The following CDC42BPB variants were observed in gnomAD, a reference collection of about 807,000 sequenced individuals.
CDC42BPB encodes the protein serine/threonine-protein kinase MRCK beta.
In CDC42BPB, 37 loss-of-function variants were observed where a neutral mutation model predicts 214.9. The ratio of observed to expected loss-of-function variants is 0.17; its 90% CI spans 0.13 to 0.23. CDC42BPB has a LOEUF of 0.23. CDC42BPB is among the 10% of genes least tolerant of loss of function. CDC42BPB has a pLI of 1.00. For synonymous variants in CDC42BPB, 931 were observed against 884.0 expected, an observed-to-expected ratio of 1.05 and a Z score of -0.94; for missense variants, 1,694 against 2,227.0, an observed-to-expected ratio of 0.76 and a Z score of 4.82.
At chr14:103,034,034 A>G (rs925142925) in intron 1 of CDC42BPB, among the ~76,000 whole-genome samples, 1 of 152,202 alleles carries the variant, frequency 6.6e-6, no homozygotes, top group Non-Finnish European at 1.5e-5. Flanking sequence ...TCAGCGTAAC[A>G]TATCTGTCTC....
intron 18 of CDC42BPB, among the ~76,000 whole-genome samples, chr14:102,965,436 CAG>C (rs1566863710): frequency 1.4e-5 from 2 of 140,488 alleles, no homozygotes; most frequent in Non-Finnish European, 3.1e-5. Context: ...GGAAGAATGA[CAG>C]AGTGACCTAG....
rs2139426157 is a variant in CDC42BPB at position 102,959,715 on chromosome 14, A to G, written c.2822-5T>C. 2 of 1,609,476 alleles carry G rather than the reference A, an allele frequency of 1.2e-6. No homozygotes were observed. The highest frequency in any genetic ancestry group is 4.5e-5 in the East Asian group (2 of 44,860). ...GAAAATCTGGAAGTTTGAGCCCTGCAAAAAGAAACAAAGAATAGTCAAGGC... is the reference window on the plus strand; with the variant it reads ...GAAAATCTGGAAGTTTGAGCCCTGCGAAAAGAAACAAAGAATAGTCAAGGC... On this transcript the variant is annotated splice_polypyrimidine_tract_variant and splice_region_variant and intron_variant, in intron 20 of 36. Coordinates refer to ENST00000361246, the MANE Select transcript of CDC42BPB (RefSeq NM_006035.4).
Position 102,971,957 on chromosome 14 carries a change from G to T in CDC42BPB, c.1846C>A (p.Arg616=). The change falls in exon 13 of 37, where the codon CGG becomes AGG. Residue 616 remains arginine, a synonymous_variant. Coordinates refer to ENST00000361246, the MANE Select transcript of CDC42BPB (RefSeq NM_006035.4). ...TTCTCAGCTCTCCGCATTTCCTGCC[G>T]CATGGCGTCCACCTTCTGCGTGGCC... ...EVATQKVDAM[R]QEMRRAEKLR... is the part of the protein sequence containing the mutation. 2 of 1,614,178 alleles carry T rather than the reference G, an allele frequency of 1.2e-6. No homozygotes were observed. The highest frequency in any genetic ancestry group is 8.5e-7 in the Non-Finnish European group (1 of 1,180,034).
In CDC42BPB at chr14:102,935,333, G is replaced by GA. The variant is rs200185125; in HGVS notation, c.5005-1491dup. ...AAATGAACACACTGAAAAGGAAACT[G>GA]AAAAAAAAAATTCAATTTACAACAG... On this transcript the variant is annotated intron_variant, in intron 36 of 36. Transcript: ENST00000361246. Among the ~76,000 whole-genome samples the GA allele has an allele frequency of 1.8e-3, 263 of 147,688 alleles. 1 individual carries two copies. Among genetic ancestry groups the GA allele is most frequent in the Non-Finnish European group, 3.0e-3 (199 of 66,784 alleles).
At chr14:103,044,591 G>A (rs550475636) in intron 1 of CDC42BPB, among the ~76,000 whole-genome samples, 49 of 151,886 alleles carry the variant, frequency 3.2e-4, no homozygotes, top group Admixed American at 8.5e-4. Flanking sequence ...GGATGGTCTC[G>A]ATCTCCTGAC....
Position 102,967,063 on chromosome 14 carries a change from A to C in CDC42BPB, c.2454T>G (p.Ile818Met), listed in dbSNP as rs1328868864. 1.2e-6 allele frequency: 2 copies of C among 1,613,994 alleles called. No individual in the cohort carries two copies. Among genetic ancestry groups the C allele is most frequent in the African/African-American group, 1.3e-5 (1 of 74,938 alleles). ...GCACGTACCACTGAATGATTTCCGC[A>C]ATCTGAGCTTCCCAGTGGGCCACTG... Reference protein sequence around the residue: ...KESVAHWEAQIAEIIQWVSDE... With the variant: ...KESVAHWEAQMAEIIQWVSDE... The change falls in exon 17 of 37, where the codon ATT becomes ATG. Residue 818 changes from isoleucine (I) to methionine (M), a missense_variant. Physicochemically the swap from Ile to Met is conservative, Grantham distance 10. Around this residue, in one of 7 missense-constraint regions of CDC42BPB, gnomAD observed 462 missense variants for 513.5 expected, o/e 0.90. Transcript: ENST00000361246.
chr14:103,054,920 G>C (rs1888859932), intron 1 of CDC42BPB, among the ~76,000 whole-genome samples: 1 of 152,272 alleles, frequency 6.6e-6, no homozygotes, highest in Non-Finnish European at 1.5e-5. Flanking sequence ...AGTAATGCCT[G>C]GTGGAGAGAG....
At position 103,038,721 on chromosome 14, in the gene CDC42BPB, G is replaced by C. The variant is rs111303713; in HGVS notation, c.175+18278C>G. ...TTTCTATTTTTTGTAGAGACGGGGG[G>C]GGGGGGCGGGTCTCATTATGTTGCC... On this transcript the variant is annotated intron_variant, in intron 1 of 36. Coordinates refer to ENST00000361246, the MANE Select transcript of CDC42BPB (RefSeq NM_006035.4). Among the ~76,000 whole-genome samples, 822 of 109,834 alleles carry C rather than the reference G, an allele frequency of 7.5e-3. 28 individuals carry two copies. The highest frequency in any genetic ancestry group is 0.028 in the African/African-American group (762 of 27,184). The allele number at this position is 109,834 out of a possible 152,430, so 72.1% of individuals were successfully genotyped here. A position where few individuals can be genotyped will look rare whatever the true frequency, so the allele number is the denominator to read the frequency against.
intron 1 of CDC42BPB, among the ~76,000 whole-genome samples, chr14:103,034,996 T>G (rs1595174144): frequency 6.6e-6 from 1 of 152,162 alleles, no homozygotes; most frequent in Middle Eastern, 3.4e-3. Flanking sequence ...TCTGATCAAC[T>G]GAGGATCTAG....
intron 1 of CDC42BPB, among the ~76,000 whole-genome samples, chr14:103,043,094 T>C (rs998687076): frequency 6.6e-5 from 10 of 152,174 alleles, no homozygotes; most frequent in African/African-American, 2.2e-4. Context: ...AAGCCACCTC[T>C]ACTAAAAATA....
At chr14:102,933,968 T>C (rs1180861520) in intron 36 of CDC42BPB, 125 bp from the exon 37 acceptor site, 3 of 1,411,164 alleles carry the variant, frequency 2.1e-6, no homozygotes, top group Non-Finnish European at 2.7e-6. Flanking sequence ...CTTCATGTTA[T>C]GAAAACACAC....
At position 102,966,390 on chromosome 14, in the gene CDC42BPB, GGA is replaced by G. The variant is rs1893202197; in HGVS notation, c.2472-5_2472-4del. On this transcript the variant is annotated splice_region_variant and splice_polypyrimidine_tract_variant and intron_variant, in intron 17 of 36. Coordinates refer to ENST00000361246, the MANE Select transcript of CDC42BPB (RefSeq NM_006035.4). ...GGGCATCTTTCTCGTCACTGACCCT[GGA>G]GGAGGGAACAGATGTTCTATCTCAC... 1 of 1,613,118 alleles carries G rather than the reference GGA, an allele frequency of 6.2e-7. No individual in the cohort carries two copies. The highest frequency in any genetic ancestry group is 8.5e-7 in the Non-Finnish European group (1 of 1,179,388).
rs751650285 is a variant in CDC42BPB at position 102,968,671 on chromosome 14, G to C, written c.2041C>G (p.Gln681Glu). Residue 681 changes from glutamine to glutamate, a missense_variant, in exon 15 of 37, where the codon CAA becomes GAA. Physicochemically the swap from Gln to Glu is conservative, Grantham distance 29. Transcript: ENST00000361246. ...RGAGATLEHQ[Q>E]EISKIKSELE... Reference sequence around the variant, plus strand: ...TCGGATTTGATTTTGGAAATCTCTTGCTGGTGCTCTAAGGTGGCACCCGCT... The same window carrying C: ...TCGGATTTGATTTTGGAAATCTCTTCCTGGTGCTCTAAGGTGGCACCCGCT... 6.2e-7 allele frequency: 1 copy of C among 1,614,108 alleles called. No individual in the cohort carries two copies. Among genetic ancestry groups the C allele is most frequent in the Non-Finnish European group, 8.5e-7 (1 of 1,180,028 alleles).
chr14:103,036,632 G>C (rs1392051546), intron 1 of CDC42BPB, among the ~76,000 whole-genome samples: 1 of 151,982 alleles, frequency 6.6e-6, no homozygotes, highest in African/African-American at 2.4e-5. Context: ...GAATACGATA[G>C]GCTCAACTGT....
Position 102,964,486 on chromosome 14 carries a change from C to T in CDC42BPB, c.2726+16G>A. The stretch of plus-strand genomic sequence containing the variant: ...GCCACTGCTCCTACCTGGAGTCAGA[C>T]CCTGGCACCAAGTACCTTTCCAAGG... On this transcript the variant is annotated intron_variant, in intron 19 of 36. Transcript: ENST00000361246. The T allele has an allele frequency of 6.2e-7, 1 of 1,612,610 alleles. No homozygotes were observed. Among genetic ancestry groups the T allele is most frequent in the Non-Finnish European group, 8.5e-7 (1 of 1,179,684 alleles).
At chr14:103,030,769 C>T (rs1321486095) in intron 1 of CDC42BPB, among the ~76,000 whole-genome samples, 1 of 152,072 alleles carries the variant, frequency 6.6e-6, no homozygotes, top group Non-Finnish European at 1.5e-5. Flanking sequence ...AGATCACTTA[C>T]GCCTAGATGT....
At chr14:102,993,354 G>A (rs1183149754) in intron 5 of CDC42BPB, among the ~76,000 whole-genome samples, 1 of 152,166 alleles carries the variant, frequency 6.6e-6, no homozygotes, top group Non-Finnish European at 1.5e-5. Context: ...CCGCAGGTGG[G>A]TTCTCAATGA....
chr14:103,048,064 A>T (rs1329299593), intron 1 of CDC42BPB, among the ~76,000 whole-genome samples: 1 of 152,184 alleles, frequency 6.6e-6, no homozygotes, highest in East Asian at 1.9e-4. Flanking sequence ...AATCCCTGCA[A>T]GGAATGAAAA....
At chr14:102,935,013 CAAAA>C (rs35596449) in intron 36 of CDC42BPB, among the ~76,000 whole-genome samples, 3 of 71,376 alleles carry the variant, frequency 4.2e-5, no homozygotes, top group African/African-American at 5.1e-5. Context: ...GACTCTGTCT[CAAAA>C]AAAAAAAAAA....
Sources: gnomAD v4.1 joint callset for allele counts (sites outside exome capture counted in the v4.1 genomes callset) on GRCh38, gnomAD v4.1.1 for gene constraint, gnomAD v4.1.1 regional missense constraint, MANE v1.5 for transcripts, NCBI Gene and HGNC (gene_info 2026-07-23, HGNC 2026-07-21) for gene names.